The following ANO6 variants were observed in gnomAD, a reference collection of about 807,000 sequenced individuals.
The protein encoded by ANO6 is anoctamin-6.
A neutral mutation model predicts 117.5 loss-of-function variants in ANO6; 106 were observed. That is an observed-to-expected ratio of 0.90 (90% confidence interval 0.77 to 1.06). ANO6 has a LOEUF of 1.06. ANO6 is among the 50% of genes least tolerant of loss of function. ANO6 has a pLI of 0.00. For synonymous variants in ANO6, 367 were observed against 385.1 expected, an observed-to-expected ratio of 0.95 and a Z score of 0.55; for missense variants, 955 against 1,121.1, an observed-to-expected ratio of 0.85 and a Z score of 2.12.
intron 9 of ANO6, among the ~76,000 whole-genome samples, chr12:45,374,027 G>A (rs1184756295): frequency 6.5e-4 from 99 of 151,274 alleles, no homozygotes; most frequent in Middle Eastern, 6.9e-3. Context: ...GGATATCACC[G>A]CCGATCCCAC....
intron 1 of ANO6, among the ~76,000 whole-genome samples, chr12:45,234,599 A>G (rs1043728740): frequency 1.3e-5 from 2 of 152,128 alleles, no homozygotes; most frequent in African/African-American, 4.8e-5. Context: ...ACTGACACTG[A>G]TGTTGGTTTC....
intron 16 of ANO6, among the ~76,000 whole-genome samples, chr12:45,412,333 GTTTGTC>G (rs1354802127): frequency 4.6e-5 from 7 of 152,192 alleles, no homozygotes; most frequent in Admixed American, 4.6e-4. Context: ...AGTGGGCCCT[GTTTGTC>G]TCTGGCACTG....
intron 17 of ANO6, among the ~76,000 whole-genome samples, chr12:45,417,152 T>G (rs1943234708): frequency 6.6e-6 from 1 of 152,240 alleles, no homozygotes; most frequent in Non-Finnish European, 1.5e-5. Context: ...TTTTATTCAG[T>G]ATGAAATATG....
chr12:45,421,505 T>C (rs1943364883), intron 18 of ANO6, among the ~76,000 whole-genome samples: 1 of 152,190 alleles, frequency 6.6e-6, no homozygotes, highest in Non-Finnish European at 1.5e-5. Flanking sequence ...AAAAAGTTAA[T>C]GAAGACTAGG....
intron 1 of ANO6, among the ~76,000 whole-genome samples, chr12:45,272,776 C>T (rs570483581): frequency 3.3e-4 from 51 of 152,286 alleles, no homozygotes; most frequent in African/African-American, 1.1e-3. Context: ...AATAGAACTA[C>T]CACATGATCC....
In ANO6 at chr12:45,216,133, C is replaced by T. The variant is rs1352840015; in HGVS notation, c.-189C>T. The T allele has an allele frequency of 4.8e-6, 3 of 622,080 alleles. No individual in the cohort carries two copies. Among genetic ancestry groups the T allele is most frequent in the Admixed American group, 2.9e-5 (1 of 34,000 alleles). 38.5% of individuals were successfully genotyped at this position (622,080 alleles called of 1,614,324 possible). ...CGCTCGGCAGGCGAGAGGCGTCCTC[C>T]GGCTCTGGGCTCCGGTCGGTGGGTG... On this transcript the variant is annotated 5_prime_UTR_variant, in exon 1 of 20. Coordinates refer to ENST00000320560, the MANE Select transcript of ANO6 (RefSeq NM_001025356.3).
intron 1 of ANO6, among the ~76,000 whole-genome samples, chr12:45,288,909 G>A (rs1261605941): frequency 4.0e-5 from 6 of 151,642 alleles, no homozygotes; most frequent in African/African-American, 1.2e-4. Context: ...CACCACGCCC[G>A]GCTAATTTTT....
At chr12:45,255,329 G>T (rs562393245) in intron 1 of ANO6, among the ~76,000 whole-genome samples, 2 of 151,942 alleles carry the variant, frequency 1.3e-5, no homozygotes, top group African/African-American at 4.8e-5. Context: ...GTGAAACCCC[G>T]TCTCTACTAA....
intron 9 of ANO6, among the ~76,000 whole-genome samples, chr12:45,375,056 A>G (rs775223974): frequency 0.013 from 1,922 of 152,090 alleles, 17 homozygotes; most frequent in Non-Finnish European, 0.021. Context: ...CTTATACACC[A>G]ACAACATACA....
chr12:45,389,540 T>C (rs1045828441), intron 11 of ANO6, among the ~76,000 whole-genome samples: 3 of 152,250 alleles, frequency 2.0e-5, no homozygotes, highest in Non-Finnish European at 2.9e-5. Flanking sequence ...CCTTGAAGTG[T>C]TACTTGTTAA....
chr12:45,295,714 C>G (rs1301573877), intron 1 of ANO6, among the ~76,000 whole-genome samples: 1 of 152,078 alleles, frequency 6.6e-6, no homozygotes, highest in African/African-American at 2.4e-5. Context: ...GCATGTACCA[C>G]TATGGCTGGC....
At chr12:45,300,430 T>C (rs1197874730) in intron 1 of ANO6, among the ~76,000 whole-genome samples, 1 of 152,202 alleles carries the variant, frequency 6.6e-6, no homozygotes, top group Non-Finnish European at 1.5e-5. Flanking sequence ...CCTCCCACCT[T>C]GGCCTCCAAA....
At chr12:45,225,740 C>T (rs1472077529) in intron 1 of ANO6, among the ~76,000 whole-genome samples, 5 of 152,124 alleles carry the variant, frequency 3.3e-5, no homozygotes, top group Admixed American at 6.5e-5. Flanking sequence ...CCTCCCGCCT[C>T]GGCCTTCCAA....
chr12:45,238,051 G>A (rs9739519), intron 1 of ANO6, among the ~76,000 whole-genome samples: 119,842 of 151,946 alleles, frequency 0.79, 49,870 homozygotes, highest in Non-Finnish European at 0.93. Flanking sequence ...GAATGCTTGT[G>A]ATTTTTGCAC....
intron 3 of ANO6, among the ~76,000 whole-genome samples, chr12:45,336,398 A>G (rs1940826226): frequency 6.6e-6 from 1 of 152,054 alleles, no homozygotes; most frequent in South Asian, 2.1e-4. Flanking sequence ...TTAGCACCCT[A>G]CTTATTTATG....
intron 12 of ANO6, among the ~76,000 whole-genome samples, chr12:45,397,319 A>C (rs1052388330): frequency 4.6e-5 from 7 of 152,244 alleles, no homozygotes. Flanking sequence ...AATGGTGATC[A>C]TTAAAAAGTC....
chr12:45,390,694 C>A (rs1409461374), intron 12 of ANO6, among the ~76,000 whole-genome samples, 196 bp downstream of exon 12: 2 of 152,132 alleles, frequency 1.3e-5, no homozygotes, highest in Non-Finnish European at 2.9e-5. Flanking sequence ...TTCGAGATAC[C>A]TTATCTGTTC....
intron 1 of ANO6, among the ~76,000 whole-genome samples, chr12:45,227,580 G>A (rs1239031576): frequency 1.3e-5 from 2 of 151,684 alleles, no homozygotes; most frequent in Non-Finnish European, 1.5e-5. Flanking sequence ...CACTTATGAG[G>A]GCAGTTACAT....
chr12:45,260,868 G>T (rs1363138720), intron 1 of ANO6, among the ~76,000 whole-genome samples: 1 of 152,026 alleles, frequency 6.6e-6, no homozygotes, highest in Non-Finnish European at 1.5e-5. Flanking sequence ...GCTCACCACA[G>T]CCTCAAACTG....
Sources: allele counts gnomAD v4.1 joint callset (sites outside exome capture counted in the v4.1 genomes callset), GRCh38; gene constraint gnomAD v4.1.1; transcripts MANE v1.5; gene names NCBI Gene and HGNC (gene_info 2026-07-23, HGNC 2026-07-21).